CPA6: variants seen among roughly 807,000 people sequenced by gnomAD.
CPA6 encodes carboxypeptidase B.
In CPA6, 58 loss-of-function variants were observed where a neutral mutation model predicts 63.3. The ratio of observed to expected loss-of-function variants is 0.92; its 90% CI spans 0.74 to 1.14. CPA6 has a LOEUF of 1.14. Ranked by LOEUF, CPA6 falls within the 50% of genes most tolerant of loss-of-function variation. CPA6 has a pLI of 0.00. For missense variants in CPA6, 565 were observed against 526.6 expected, an observed-to-expected ratio of 1.07 and a Z score of -0.71; for synonymous variants, 185 against 179.0, an observed-to-expected ratio of 1.03 and a Z score of -0.27.
intron 2 of CPA6, among the ~76,000 whole-genome samples, chr8:67,598,752 T>A (rs1296989180): frequency 6.6e-6 from 1 of 152,194 alleles, no homozygotes; most frequent in Non-Finnish European, 1.5e-5. Flanking sequence ...TAAAAATAAC[T>A]TTTATGTCTA....
chr8:67,743,295 A>G (rs1450959487), intron 1 of CPA6, among the ~76,000 whole-genome samples: 5 of 152,096 alleles, frequency 3.3e-5, no homozygotes, highest in Non-Finnish European at 7.4e-5. Context: ...TAGTCTTTCC[A>G]CACATTTTTT....
At chr8:67,574,455 A>G in intron 2 of CPA6, among the ~76,000 whole-genome samples, 1 of 152,134 alleles carries the variant, frequency 6.6e-6, no homozygotes, top group Non-Finnish European at 1.5e-5. Flanking sequence ...GAACAAAGCT[A>G]GAGGTATCAC....
intron 2 of CPA6, among the ~76,000 whole-genome samples, chr8:67,562,274 T>C (rs778692460): frequency 2.6e-5 from 4 of 152,206 alleles, no homozygotes; most frequent in African/African-American, 4.8e-5. Flanking sequence ...TCTCTTGCTG[T>C]ACCTTTATCA....
chr8:67,575,798 C>T (rs1208693183), intron 2 of CPA6, among the ~76,000 whole-genome samples: 1 of 147,132 alleles, frequency 6.8e-6, no homozygotes, highest in African/African-American at 2.5e-5. Context: ...GTGGAGGTTG[C>T]AGTGAGCTAC....
chr8:67,513,965 A>AT (rs397891508), intron 3 of CPA6, among the ~76,000 whole-genome samples: 3,789 of 145,108 alleles, frequency 0.026, 108 homozygotes, highest in African/African-American at 0.071. Flanking sequence ...AACATAGAAA[A>AT]TTTTTTTTTT....
intron 6 of CPA6, among the ~76,000 whole-genome samples, chr8:67,485,990 A>G (rs1440521176): frequency 6.6e-6 from 1 of 152,150 alleles, no homozygotes; most frequent in Non-Finnish European, 1.5e-5. Context: ...ACTATTTTTG[A>G]CCCTTCCCTG....
intron 1 of CPA6, among the ~76,000 whole-genome samples, chr8:67,651,554 A>C (rs1815837982): frequency 6.6e-6 from 1 of 152,006 alleles, no homozygotes; most frequent in African/African-American, 2.4e-5. Context: ...ACTGATTCCC[A>C]AAGTATTAGC....
intron 6 of CPA6, among the ~76,000 whole-genome samples, chr8:67,503,069 C>T (rs542342823): frequency 5.9e-5 from 9 of 152,146 alleles, no homozygotes; most frequent in South Asian, 2.1e-4. Flanking sequence ...GATGGAGTCT[C>T]GCTCTGTTGC....
intron 8 of CPA6, among the ~76,000 whole-genome samples, chr8:67,439,324 A>G (rs1032095121): frequency 6.6e-5 from 10 of 152,110 alleles, no homozygotes; most frequent in Admixed American, 6.6e-4. Context: ...ATGGTGGCTC[A>G]TGCCTGTAAT....
At chr8:67,451,213 G>A (rs533070213) in intron 8 of CPA6, among the ~76,000 whole-genome samples, 1 of 152,310 alleles carries the variant, frequency 6.6e-6, no homozygotes, top group East Asian at 1.9e-4. Flanking sequence ...CACAGCAGAA[G>A]GTGAGTGGCA....
intron 6 of CPA6, among the ~76,000 whole-genome samples, chr8:67,505,009 G>T (rs1302045778): frequency 6.6e-6 from 1 of 152,204 alleles, no homozygotes; most frequent in African/African-American, 2.4e-5. Context: ...TCAGTTGACA[G>T]TCATTGCATA....
chr8:67,692,266 G>A (rs937036748), intron 1 of CPA6, among the ~76,000 whole-genome samples: 8 of 150,224 alleles, frequency 5.3e-5, no homozygotes, highest in Non-Finnish European at 1.2e-4. Flanking sequence ...AATCCAGGAA[G>A]CAGAGGTTGC....
At chr8:67,456,548 T>C (rs1247465676) in intron 8 of CPA6, among the ~76,000 whole-genome samples, 1 of 152,248 alleles carries the variant, frequency 6.6e-6, no homozygotes, top group Non-Finnish European at 1.5e-5. Flanking sequence ...AAGTTAATTT[T>C]GCTAAAATGC....
chr8:67,667,327 A>C (rs1816252719), intron 1 of CPA6, among the ~76,000 whole-genome samples: 1 of 152,130 alleles, frequency 6.6e-6, no homozygotes, highest in African/African-American at 2.4e-5. Flanking sequence ...AGGACCTCAG[A>C]GATCACCAGT....
chr8:67,651,144 G>T (rs1182173396), intron 1 of CPA6, among the ~76,000 whole-genome samples: 1 of 152,104 alleles, frequency 6.6e-6, no homozygotes, highest in African/African-American at 2.4e-5. Flanking sequence ...TAATGGCTTT[G>T]TGATTACATG....
intron 1 of CPA6, among the ~76,000 whole-genome samples, chr8:67,734,367 C>G (rs1401531338): frequency 6.7e-6 from 1 of 149,382 alleles, no homozygotes; most frequent in Non-Finnish European, 1.5e-5. Context: ...AAAAAGAAAA[C>G]CCTTATTTTA....
At chr8:67,624,134 CA>C (rs758706789) in intron 2 of CPA6, 41 bp downstream of exon 2, 3 of 1,233,758 alleles carry the variant, frequency 2.4e-6, no homozygotes, top group Non-Finnish European at 3.6e-6. Context: ...GTAAACACTC[CA>C]CAAGCACAAT....
intron 8 of CPA6, among the ~76,000 whole-genome samples, chr8:67,446,251 C>G (rs1477549158): frequency 1.0e-4 from 13 of 124,690 alleles, no homozygotes; most frequent in Non-Finnish European, 2.0e-4. Flanking sequence ...GGAGACAGAG[C>G]GAGACTCCAT....
chr8:67,538,068 G>C (rs554268812), intron 2 of CPA6, among the ~76,000 whole-genome samples: 1 of 152,228 alleles, frequency 6.6e-6, no homozygotes, highest in Admixed American at 6.5e-5. Flanking sequence ...TATGATTTCT[G>C]TTCTTTTGCA....
Sources: allele counts gnomAD v4.1 joint callset (sites outside exome capture counted in the v4.1 genomes callset), GRCh38; gene constraint gnomAD v4.1.1; transcripts MANE v1.5; gene names NCBI Gene and HGNC (gene_info 2026-07-23, HGNC 2026-07-21).